UVRAG: variants seen among roughly 807,000 people sequenced by gnomAD.
The protein encoded by UVRAG is UV radiation resistance-associated gene protein.
In UVRAG, 19 loss-of-function variants were observed where a neutral mutation model predicts 78.0. The ratio of observed to expected loss-of-function variants is 0.24; its 90% CI spans 0.17 to 0.36. The LOEUF (loss-of-function observed/expected upper bound fraction) is 0.36. Among genes scored for constraint, UVRAG ranks in the 10% least tolerant of loss-of-function variants. The probability of loss-of-function intolerance (pLI) is 1.00; values close to 1 mark genes in which losing one functional copy is unlikely to be tolerated. For synonymous variants in UVRAG, 323 were observed against 324.6 expected (o/e 1.00, Z 0.05); for missense variants, 740 against 853.8 (o/e 0.87, Z 1.66).
At chr11:75,888,654 G>C (rs1947147525) in intron 4 of UVRAG, among the ~76,000 whole-genome samples, 175 bp from the exon 5 acceptor site, 1 of 152,200 alleles carries the variant, frequency 6.6e-6, no homozygotes, top group Non-Finnish European at 1.5e-5. Flanking sequence ...AGCAGGAAAT[G>C]CTGAATTGAT....
intron 13 of UVRAG, among the ~76,000 whole-genome samples, chr11:76,084,146 A>G (rs1951544103): frequency 1.3e-5 from 2 of 152,190 alleles, no homozygotes; most frequent in Non-Finnish European, 2.9e-5. Flanking sequence ...TTCCACTCAG[A>G]CATCATCATC....
chr11:75,945,259 A>C (rs750932454), intron 6 of UVRAG, among the ~76,000 whole-genome samples: 32 of 152,086 alleles, frequency 2.1e-4, no homozygotes, highest in Non-Finnish European at 1.2e-4. Context: ...TTTCTGAGGA[A>C]GGAAAGGGAG....
At chr11:76,100,523 G>A (rs991581084) in intron 13 of UVRAG, among the ~76,000 whole-genome samples, 1 of 151,998 alleles carries the variant, frequency 6.6e-6, no homozygotes, top group Admixed American at 6.6e-5. Context: ...ATATCTTCAG[G>A]TAAAAGGTAG....
rs1302830271 is a variant in UVRAG, at chr11:75,951,367, TTTTTG to T, written c.594-10073_594-10069del. On this transcript the variant is annotated intron_variant, in intron 6 of 14. Coordinates refer to ENST00000356136, the MANE Select transcript of UVRAG (RefSeq NM_003369.4). ...TGTGTGTGTGTGTGTGTGTATATAT[TTTTTG>T]TTTGTTTGTTTGTTTGTTTGTTTTT... Among the ~76,000 whole-genome samples, 587 of 149,000 alleles carry T rather than the reference TTTTTG, an allele frequency of 3.9e-3. 3 individuals carry two copies. The highest frequency in any genetic ancestry group is 0.014 in the African/African-American group (562 of 39,262).
intron 2 of UVRAG, among the ~76,000 whole-genome samples, chr11:75,857,829 A>G (rs1158424766): frequency 6.7e-6 from 1 of 149,276 alleles, no homozygotes; most frequent in Non-Finnish European, 1.5e-5. Flanking sequence ...TCTGAATTGC[A>G]GGTCTTTATT....
At chr11:75,821,303 A>C (rs995613385) in intron 1 of UVRAG, among the ~76,000 whole-genome samples, 15 of 152,210 alleles carry the variant, frequency 9.9e-5, no homozygotes, top group African/African-American at 3.6e-4. Context: ...TATATACTAC[A>C]TTTTGTTTAT....
chr11:76,125,972 CAG>C lies in UVRAG; in HGVS notation c.1397+9960_1397+9961del, dbSNP rs1194202263. ...TCACTTTTTTTTTTTTTTTTTTAGA[CAG>C]AGTCTCGCTCTGTCACCCAGGCTGG... On this transcript the variant is annotated intron_variant, in intron 14 of 14. Transcript: ENST00000356136. Among the ~76,000 whole-genome samples the C allele has an allele frequency of 5.5e-3, 729 of 131,680 alleles. 4 individuals carry two copies. The highest frequency in any genetic ancestry group is 0.019 in the African/African-American group (655 of 35,318). 86.4% of individuals were successfully genotyped at this position (131,680 alleles called of 152,430 possible).
intron 8 of UVRAG, among the ~76,000 whole-genome samples, chr11:75,997,840 G>A (rs1285061855): frequency 6.6e-6 from 1 of 152,182 alleles, no homozygotes; most frequent in Non-Finnish European, 1.5e-5. Flanking sequence ...CAATAATCAG[G>A]GTAATTGAGC....
At position 76,083,019 on chromosome 11, in the gene UVRAG, C is replaced by T. The variant is rs545788951; in HGVS notation, c.1305+17231C>T. On this transcript the variant is annotated intron_variant, in intron 13 of 14. Transcript: ENST00000356136. ...GCACTCCAGCCTGGGTGACAGAGAC[C>T]GTGTCTCAAAAAAAGAGTATCTGCT... 6.6e-5 allele frequency among the ~76,000 whole-genome samples: 10 copies of T among 152,076 alleles called. No individual in the cohort carries two copies. In the East Asian group the frequency reaches 1.3e-3, roughly 21 times the overall value.
At position 76,016,933 on chromosome 11, in the gene UVRAG, A is replaced by C; in HGVS notation, c.1179A>C (p.Ser393=). 1 of 1,608,200 alleles carries C rather than the reference A, an allele frequency of 6.2e-7. No individual in the cohort carries two copies. The highest frequency in any genetic ancestry group is 8.5e-7 in the Non-Finnish European group (1 of 1,176,636). The change falls in exon 12 of 15, where the codon TCA becomes TCC. Residue 393 remains serine (S), a synonymous_variant. Coordinates refer to ENST00000356136, the MANE Select transcript of UVRAG (RefSeq NM_003369.4). ...CTATAATTCATAAGGGGTCTAGATC[A>C]ACAATCAAAGACAATATCAATGACA... ...RYPIIHKGSR[S]TIKDNINDKL... is the part of the protein sequence containing the mutation.
At chr11:75,937,635 T>A (rs1274341381) in intron 6 of UVRAG, among the ~76,000 whole-genome samples, 1 of 152,144 alleles carries the variant, frequency 6.6e-6, no homozygotes, top group Non-Finnish European at 1.5e-5. Flanking sequence ...ATCCTCTCCT[T>A]TATGTAGTGT....
chr11:76,003,288 T>TTTTTG (rs1491521163), intron 8 of UVRAG, among the ~76,000 whole-genome samples: 10 of 62,472 alleles, frequency 1.6e-4, no homozygotes, highest in African/African-American at 6.1e-4. Flanking sequence ...TTTTTTTTTT[T>TTTTTG]GGAGACAGAG....
intron 5 of UVRAG, among the ~76,000 whole-genome samples, chr11:75,902,150 C>G (rs1418020650): frequency 1.1e-4 from 16 of 152,176 alleles, no homozygotes. Flanking sequence ...TCTGTAGCAG[C>G]AGATCATTAG....
At chr11:75,920,008 G>GTTTTTTTTTTTTTTTTTTTTTTTTTTTT (rs140217190) in intron 6 of UVRAG, among the ~76,000 whole-genome samples, 1 of 55,462 alleles carries the variant, frequency 1.8e-5, no homozygotes. Context: ...AATAATTTTG[G>GTTTTTTTTTTTTTTTTTTTTTTTTTTTT]TTTTTTTTTT....
At chr11:75,830,068 A>G (rs767610852) in intron 1 of UVRAG, among the ~76,000 whole-genome samples, 1 of 151,886 alleles carries the variant, frequency 6.6e-6, no homozygotes, top group Non-Finnish European at 1.5e-5. Flanking sequence ...TCCAGCTCCT[A>G]ACCTCAAGTG....
intron 1 of UVRAG, among the ~76,000 whole-genome samples, chr11:75,819,671 T>C (rs980340167): frequency 1.3e-5 from 2 of 151,938 alleles, no homozygotes; most frequent in Non-Finnish European, 2.9e-5. Context: ...TTTTAGAAAG[T>C]TTTATTTCTA....
intron 13 of UVRAG, among the ~76,000 whole-genome samples, chr11:76,079,476 C>T (rs1951459701): frequency 6.6e-6 from 1 of 150,484 alleles, no homozygotes; most frequent in Admixed American, 6.6e-5. Flanking sequence ...CAGTGAAACC[C>T]TGTCTCAAAA....
At chr11:75,820,343 T>A (rs1464563338) in intron 1 of UVRAG, among the ~76,000 whole-genome samples, 1 of 147,268 alleles carries the variant, frequency 6.8e-6, no homozygotes, top group Non-Finnish European at 1.5e-5. Context: ...ACTCTATACC[T>A]AGTTTCACTT....
chr11:75,951,976 A>G (rs1159383216), intron 6 of UVRAG, among the ~76,000 whole-genome samples: 1 of 152,330 alleles, frequency 6.6e-6, no homozygotes, highest in Admixed American at 6.5e-5. Flanking sequence ...AATCCATGAA[A>G]TGATATATGT....
Sources: allele counts gnomAD v4.1 joint callset (sites outside exome capture counted in the v4.1 genomes callset), GRCh38; gene constraint gnomAD v4.1.1; transcripts MANE v1.5; gene names NCBI Gene and HGNC (gene_info 2026-07-23, HGNC 2026-07-21).